MAP2K1: variants seen among roughly 807,000 people sequenced by gnomAD.
The protein encoded by MAP2K1 is dual specificity mitogen-activated protein kinase kinase 1.
MAP2K1 carries 16 observed loss-of-function variants against 46.3 expected under a neutral mutation model. The observed-to-expected ratio is 0.35, with a 90% CI of 0.23 to 0.52. MAP2K1 has a LOEUF of 0.52. Ranked by LOEUF, MAP2K1 falls within the 20% of genes least tolerant of loss-of-function variation. The probability of loss-of-function intolerance (pLI) is 0.94; values close to 1 mark genes in which losing one functional copy is unlikely to be tolerated. For missense variants in MAP2K1, 263 were observed against 497.1 expected (o/e 0.53, Z 4.48); for synonymous variants, 183 against 185.6 (o/e 0.99, Z 0.11).
At chr15:66,486,595 G>A (rs1404885834) in intron 7 of MAP2K1, among the ~76,000 whole-genome samples, 1 of 152,176 alleles carries the variant, frequency 6.6e-6, no homozygotes, top group African/African-American at 2.4e-5. Context: ...ACACTGTGCA[G>A]TACCACCTGC....
At chr15:66,403,438 C>G (rs982057974) in intron 1 of MAP2K1, among the ~76,000 whole-genome samples, 2 of 152,086 alleles carry the variant, frequency 1.3e-5, no homozygotes, top group African/African-American at 2.4e-5. Flanking sequence ...GTAGGAGGGC[C>G]TATTTTTAAG....
chr15:66,396,878 T>G lies in MAP2K1; in HGVS notation c.80+9451T>G, dbSNP rs960521481. The stretch of plus-strand genomic sequence containing the variant: ...TTTTGTATTTTTAGTAGAGGCAGGG[T>G]TTCACCATGTTGGCCAGGCTGGTCT... On this transcript the variant is annotated intron_variant, in intron 1 of 10. Coordinates refer to ENST00000307102, the MANE Select transcript of MAP2K1 (RefSeq NM_002755.4). 2.2e-3 allele frequency among the ~76,000 whole-genome samples: 334 copies of G among 151,502 alleles called. 2 individuals are homozygous for G. Among genetic ancestry groups the G allele is most frequent in the African/African-American group, 8.0e-3 (329 of 41,270 alleles).
chr15:66,485,492 G>A (rs535641084), intron 7 of MAP2K1, among the ~76,000 whole-genome samples: 2 of 152,246 alleles, frequency 1.3e-5, no homozygotes, highest in East Asian at 3.9e-4. Flanking sequence ...GTCGCCCAGT[G>A]CAGTGGCTAG....
intron 5 of MAP2K1, among the ~76,000 whole-genome samples, chr15:66,480,213 C>G (rs906095338): frequency 2.0e-5 from 3 of 152,086 alleles, no homozygotes; most frequent in Non-Finnish European, 2.9e-5. Flanking sequence ...CTCAGCCTCC[C>G]AAGTAGATGG....
intron 5 of MAP2K1, among the ~76,000 whole-genome samples, chr15:66,454,588 T>A (rs1198776702): frequency 6.6e-6 from 1 of 152,138 alleles, no homozygotes. Flanking sequence ...AAAAATTTAT[T>A]CATTAGAAGG....
rs144137205 is a variant in MAP2K1, at chr15:66,486,941, G to GA, written c.896-284dup. Among the ~76,000 whole-genome samples, 559 of 152,244 alleles carry GA rather than the reference G, an allele frequency of 3.7e-3. 5 individuals are homozygous for GA. Among genetic ancestry groups the GA allele is most frequent in the African/African-American group, 0.013 (525 of 41,544 alleles). ...TGCCTCTCTCAATAGAAGGAAGGGG[G>GA]AAAGGACAGACATAATTATTATGTC... On this transcript the variant is annotated intron_variant, in intron 7 of 10. Transcript: ENST00000307102.
chr15:66,442,424 T>C (rs1377396418), intron 3 of MAP2K1, among the ~76,000 whole-genome samples: 1 of 152,156 alleles, frequency 6.6e-6, no homozygotes, highest in East Asian at 1.9e-4. Flanking sequence ...TCCTCCCCTT[T>C]TCCAGGTATA....
At chr15:66,484,439 C>G (rs568116684) in intron 6 of MAP2K1, among the ~76,000 whole-genome samples, 42 of 152,270 alleles carry the variant, frequency 2.8e-4, no homozygotes, top group Middle Eastern at 3.4e-3. Context: ...TGAGCCACTG[C>G]GTCCCGGCCC....
chr15:66,442,228 T>C (rs1826633442), intron 3 of MAP2K1, among the ~76,000 whole-genome samples: 1 of 152,196 alleles, frequency 6.6e-6, no homozygotes. Flanking sequence ...TTGGATTCTT[T>C]TACTTCTGAC....
At chr15:66,454,501 C>T (rs1892113873) in intron 5 of MAP2K1, among the ~76,000 whole-genome samples, 1 of 152,184 alleles carries the variant, frequency 6.6e-6, no homozygotes, top group Admixed American at 6.5e-5. Context: ...ATACATTTTA[C>T]CTGTTGCTTA....
At chr15:66,459,140 C>G (rs1426817133) in intron 5 of MAP2K1, among the ~76,000 whole-genome samples, 1 of 151,308 alleles carries the variant, frequency 6.6e-6, no homozygotes, top group Non-Finnish European at 1.5e-5. Context: ...CGGTGAAACC[C>G]CGTCTCTACT....
At chr15:66,396,477 T>C in intron 1 of MAP2K1, among the ~76,000 whole-genome samples, 1 of 149,850 alleles carries the variant, frequency 6.7e-6, no homozygotes, top group African/African-American at 2.5e-5. Flanking sequence ...ACCATGTTGG[T>C]CAGGCTGGTC....
chr15:66,487,241 C>T lies in MAP2K1; in HGVS notation c.909C>T (p.Asp303=). The change falls in exon 8 of 11, where the codon GAC becomes GAT. Residue 303 remains aspartate, a synonymous_variant. Coordinates refer to ENST00000307102, the MANE Select transcript of MAP2K1 (RefSeq NM_002755.4). ...TAAAATTTGTAGCATACGGAATGGA[C>T]AGCCGACCTCCCATGGCAATTTTTG... The part of the protein sequence containing the change: ...PGRPLSSYGM[D]SRPPMAIFEL... The T allele has an allele frequency of 6.2e-7, 1 of 1,614,072 alleles. No individual in the cohort carries two copies. The highest frequency in any genetic ancestry group is 8.5e-7 in the Non-Finnish European group (1 of 1,179,904).
At position 66,489,323 on chromosome 15, in the gene MAP2K1, A is replaced by AG. The variant is rs745591541; in HGVS notation, c.1022+49dup. 3.2e-6 allele frequency: 5 copies of AG among 1,544,750 alleles called. No individual in the cohort carries two copies. The East Asian group carries it at 6.7e-5, about 21-fold the overall frequency. ...TGGAAGCGTATACTCTGGATTTGTC[A>AG]GGCTCCCCACCCCATTTCTGGAAGC... On this transcript the variant is annotated intron_variant, in intron 9 of 10. Transcript: ENST00000307102.
chr15:66,452,309 A>AAG (rs923689771), intron 5 of MAP2K1, among the ~76,000 whole-genome samples: 6 of 149,612 alleles, frequency 4.0e-5, no homozygotes, highest in Non-Finnish European at 7.4e-5. Context: ...AAAAAGAAAA[A>AAG]AAAAAGCTAA....
intron 1 of MAP2K1, among the ~76,000 whole-genome samples, chr15:66,428,107 G>T (rs2093464235): frequency 6.6e-6 from 1 of 152,030 alleles, no homozygotes; most frequent in African/African-American, 2.4e-5. Context: ...TCGGGTCAGG[G>T]TACATTTTTA....
chr15:66,484,228 A>C (rs925554440), intron 6 of MAP2K1, among the ~76,000 whole-genome samples: 10 of 149,752 alleles, frequency 6.7e-5, no homozygotes, highest in African/African-American at 2.5e-4. Context: ...GCTCACTGCA[A>C]CCTCTGCCTC....
intron 5 of MAP2K1, among the ~76,000 whole-genome samples, chr15:66,481,073 G>A (rs1892902334): frequency 6.6e-6 from 1 of 152,172 alleles, no homozygotes; most frequent in Non-Finnish European, 1.5e-5. Flanking sequence ...TGGGGGCATC[G>A]TTTTGACTCT....
intron 5 of MAP2K1, among the ~76,000 whole-genome samples, chr15:66,475,963 A>G (rs1411075081): frequency 1.3e-5 from 2 of 152,246 alleles, no homozygotes; most frequent in Non-Finnish European, 2.9e-5. Flanking sequence ...CTTAATAGTT[A>G]AACTTCAAAA....
Sources: gnomAD v4.1 joint callset for allele counts (sites outside exome capture counted in the v4.1 genomes callset) on GRCh38, gnomAD v4.1.1 for gene constraint, MANE v1.5 for transcripts, NCBI Gene and HGNC (gene_info 2026-07-23, HGNC 2026-07-21) for gene names.